The following SPMIP2 variants were observed in gnomAD, a reference collection of about 807,000 sequenced individuals.
SPMIP2 encodes protein SPMIP2.
chr4:158,901,954 T>TTTG, the SPMIP2 span, among the ~76,000 whole-genome samples: 10 of 151,958 alleles, frequency 6.6e-5, 1 homozygote, highest in Middle Eastern at 6.8e-3. Context: ...CTCAGAGGAG[T>TTTG]TTGTTATTAC....
chr4:158,965,101 G>A, the SPMIP2 span, among the ~76,000 whole-genome samples: 80,820 of 151,960 alleles, frequency 0.53, 22,677 homozygotes, highest in South Asian at 0.64. Context: ...GAAAAGGCAT[G>A]TTTTTCAATG....
chr4:158,957,195 C>A, the SPMIP2 span, among the ~76,000 whole-genome samples: 3 of 152,242 alleles, frequency 2.0e-5, no homozygotes, highest in African/African-American at 7.2e-5. Flanking sequence ...AGGTTAAGAT[C>A]AGATTGCTTT....
the SPMIP2 span, among the ~76,000 whole-genome samples, chr4:158,999,888 G>A: frequency 1.3e-5 from 2 of 151,980 alleles, no homozygotes; most frequent in African/African-American, 4.8e-5. Context: ...TTTTTTTTAA[G>A]AACCTACTTG....
At chr4:159,076,653 A>G in the SPMIP2 span, among the ~76,000 whole-genome samples, 1 of 151,962 alleles carries the variant, frequency 6.6e-6, no homozygotes, top group African/African-American at 2.4e-5. Flanking sequence ...TACTTAAACA[A>G]TTTTTTCCTT....
the SPMIP2 span, among the ~76,000 whole-genome samples, chr4:158,914,812 T>C: frequency 6.6e-6 from 1 of 152,216 alleles, no homozygotes; most frequent in Non-Finnish European, 1.5e-5. Context: ...AAGCTTACTC[T>C]GCTAACCAGT....
the SPMIP2 span, among the ~76,000 whole-genome samples, chr4:158,973,763 T>G: frequency 6.6e-6 from 1 of 151,876 alleles, no homozygotes; most frequent in African/African-American, 2.4e-5. Flanking sequence ...CCAAGGTGGG[T>G]GCATCGCTTG....
chr4:158,927,802 GGC>G, the SPMIP2 span, among the ~76,000 whole-genome samples: 1 of 152,230 alleles, frequency 6.6e-6, no homozygotes, highest in Non-Finnish European at 1.5e-5. Context: ...CGGAGCAGCC[GGC>G]GGGCCCTGCT....
At chr4:159,061,825 A>AAT in the SPMIP2 span, among the ~76,000 whole-genome samples, 1 of 151,472 alleles carries the variant, frequency 6.6e-6, no homozygotes, top group African/African-American at 2.4e-5. Context: ...AAAAAAAAAA[A>AAT]AAAAAGATAG....
the SPMIP2 span, among the ~76,000 whole-genome samples, chr4:159,002,773 C>T: frequency 6.6e-6 from 1 of 150,622 alleles, no homozygotes; most frequent in Non-Finnish European, 1.5e-5. Context: ...ACTGCACACA[C>T]ACACACACAC....
chr4:159,020,250 T>C, the SPMIP2 span, among the ~76,000 whole-genome samples: 1 of 152,154 alleles, frequency 6.6e-6, no homozygotes, highest in African/African-American at 2.4e-5. Flanking sequence ...TCTGTGCAAT[T>C]GTAGAAGAGA....
At chr4:158,929,522 T>C in the SPMIP2 span, among the ~76,000 whole-genome samples, 8 of 152,262 alleles carry the variant, frequency 5.3e-5, no homozygotes, top group African/African-American at 1.9e-4. Flanking sequence ...AATAGTACAC[T>C]ATTTTAATTC....
chr4:158,894,191 G>A, the SPMIP2 span, among the ~76,000 whole-genome samples: 2 of 133,614 alleles, frequency 1.5e-5, no homozygotes, highest in African/African-American at 5.7e-5. Context: ...TTTTTTTTGA[G>A]ACAGAGTTTC....
the SPMIP2 span, among the ~76,000 whole-genome samples, chr4:158,992,699 C>A: frequency 1.3e-5 from 2 of 152,214 alleles, no homozygotes; most frequent in Non-Finnish European, 2.9e-5. Flanking sequence ...CCGCTCTCTG[C>A]TTCTAAGATG....
the SPMIP2 span, among the ~76,000 whole-genome samples, chr4:158,983,264 C>T: frequency 5.3e-5 from 8 of 152,010 alleles, no homozygotes; most frequent in South Asian, 1.0e-3. Context: ...AGAACTTCCC[C>T]AATCTAGCAA....
the SPMIP2 span, chr4:158,895,642 T>G: frequency 3.2e-5 from 22 of 680,372 alleles, no homozygotes; most frequent in Middle Eastern, 3.0e-4. Flanking sequence ...TTGAAACTGA[T>G]GAGATAAAAG....
the SPMIP2 span, among the ~76,000 whole-genome samples, chr4:158,961,044 A>G: frequency 1.3e-5 from 2 of 152,114 alleles, no homozygotes; most frequent in African/African-American, 4.8e-5. Flanking sequence ...TGAAAAGCGT[A>G]TTGGTCTATA....
the SPMIP2 span, among the ~76,000 whole-genome samples, chr4:158,914,974 A>C: frequency 6.6e-6 from 1 of 152,202 alleles, no homozygotes; most frequent in Non-Finnish European, 1.5e-5. Flanking sequence ...CTTTAACTAT[A>C]AAAGGTGAAT....
At chr4:158,989,713 C>A in the SPMIP2 span, among the ~76,000 whole-genome samples, 2 of 152,198 alleles carry the variant, frequency 1.3e-5, no homozygotes, top group Non-Finnish European at 2.9e-5. Flanking sequence ...TTCCTTACAC[C>A]TTTTACAAAA....
At chr4:158,901,328 T>C in the SPMIP2 span, among the ~76,000 whole-genome samples, 1 of 152,088 alleles carries the variant, frequency 6.6e-6, no homozygotes, top group Non-Finnish European at 1.5e-5. Context: ...CCCCACTCTC[T>C]TCTGGCTTGT....
Sources: allele counts gnomAD v4.1 joint callset (sites outside exome capture counted in the v4.1 genomes callset), GRCh38; gene constraint gnomAD v4.1.1; transcripts MANE v1.5; gene names NCBI Gene and HGNC (gene_info 2026-07-23, HGNC 2026-07-21).